The following CFAP299 variants were observed in gnomAD, a reference collection of about 807,000 sequenced individuals.
CFAP299 encodes cilia- and flagella-associated protein 299.
Under a neutral mutation model 27.0 loss-of-function variants are expected in CFAP299, and 21 were observed. The observed-to-expected ratio is 0.78, with a 90% CI of 0.55 to 1.12. The LOEUF (loss-of-function observed/expected upper bound fraction) is 1.12, where lower values mean the gene tolerates loss of function less well. Ranked by LOEUF, CFAP299 falls within the 50% of genes most tolerant of loss-of-function variation. CFAP299 has a pLI of 0.00. For missense variants in CFAP299, 310 were observed against 276.6 expected, an observed-to-expected ratio of 1.12 and a Z score of -0.86; for synonymous variants, 104 against 98.1, an observed-to-expected ratio of 1.06 and a Z score of -0.36.
chr4:80,898,790 G>T (rs972818911), intron 4 of CFAP299, among the ~76,000 whole-genome samples: 1 of 152,248 alleles, frequency 6.6e-6, no homozygotes, highest in South Asian at 2.1e-4. Context: ...TGATAGTGAT[G>T]AGTAAATTAA....
At chr4:80,575,409 T>C (rs1056953562) in intron 2 of CFAP299, among the ~76,000 whole-genome samples, 17 of 151,974 alleles carry the variant, frequency 1.1e-4, no homozygotes. Flanking sequence ...CACTGCAGCC[T>C]TGACTTCCCA....
intron 2 of CFAP299, among the ~76,000 whole-genome samples, chr4:80,573,254 G>C (rs536009785): frequency 2.6e-5 from 4 of 151,920 alleles, no homozygotes; most frequent in African/African-American, 9.7e-5. Flanking sequence ...ATGCCTATTT[G>C]TCATTTGTAT....
chr4:80,541,941 C>A lies in CFAP299; in HGVS notation c.243-41152C>A, dbSNP rs142510255. Among the ~76,000 whole-genome samples, 257 of 151,648 alleles carry A rather than the reference C, an allele frequency of 1.7e-3. 3 individuals carry two copies. The East Asian group carries it at 0.037, about 22-fold the overall frequency. On this transcript the variant is annotated intron_variant, in intron 2 of 5. Coordinates refer to ENST00000358105, the MANE Select transcript of CFAP299 (RefSeq NM_152770.3). ...AAGGTATCAAGGACATTAGGTATAT[C>A]TCCCAATGCTAAAACTTAAAGTATA...
intron 2 of CFAP299, among the ~76,000 whole-genome samples, chr4:80,442,918 A>G (rs1449764846): frequency 3.3e-5 from 5 of 152,238 alleles, no homozygotes; most frequent in African/African-American, 1.2e-4. Context: ...CCTCTAAACA[A>G]GTAAACTAGA....
intron 2 of CFAP299, among the ~76,000 whole-genome samples, chr4:80,439,307 C>G (rs1041518687): frequency 6.6e-6 from 1 of 152,162 alleles, no homozygotes; most frequent in East Asian, 1.9e-4. Context: ...GGGAGACCAA[C>G]GCAGAAGGCA....
chr4:80,836,966 T>G (rs1410130341), intron 3 of CFAP299, among the ~76,000 whole-genome samples: 1 of 152,094 alleles, frequency 6.6e-6, no homozygotes, highest in African/African-American at 2.4e-5. Flanking sequence ...TAAATATAAT[T>G]CTAGGCTTTT....
Position 80,902,385 on chromosome 4 carries a change from A to G in CFAP299, c.476+32250A>G, listed in dbSNP as rs534024749. On this transcript the variant is annotated intron_variant, in intron 4 of 5. Coordinates refer to ENST00000358105, the MANE Select transcript of CFAP299 (RefSeq NM_152770.3). ...ATAAAATATAGATTATATATTTTAT[A>G]AATATATGAAATATACTTTATATAA... Among the ~76,000 whole-genome samples, 588 of 137,106 alleles carry G rather than the reference A, an allele frequency of 4.3e-3. 2 individuals are homozygous for G. The highest frequency in any genetic ancestry group is 0.015 in the Middle Eastern group (4 of 272). 89.9% of individuals were successfully genotyped at this position (137,106 alleles called of 152,430 possible).
chr4:80,907,700 T>G (rs1275500174), intron 4 of CFAP299, among the ~76,000 whole-genome samples: 1 of 152,202 alleles, frequency 6.6e-6, no homozygotes, highest in Non-Finnish European at 1.5e-5. Flanking sequence ...GAACAGCATG[T>G]GGGTAACTGC....
intron 3 of CFAP299, among the ~76,000 whole-genome samples, chr4:80,755,575 C>T (rs747721019): frequency 1.1e-4 from 16 of 151,942 alleles, no homozygotes; most frequent in Non-Finnish European, 1.5e-4. Flanking sequence ...TAAAAGTGAC[C>T]GTTGAACTTG....
chr4:80,473,634 G>A (rs980097098), intron 2 of CFAP299, among the ~76,000 whole-genome samples: 1 of 151,938 alleles, frequency 6.6e-6, no homozygotes, highest in African/African-American at 2.4e-5. Flanking sequence ...ACAGTGGTGC[G>A]ATCACAGCTC....
chr4:80,641,294 T>G (rs1170687433), intron 3 of CFAP299, among the ~76,000 whole-genome samples: 2 of 152,098 alleles, frequency 1.3e-5, no homozygotes, highest in Non-Finnish European at 1.5e-5. Flanking sequence ...AACCTCTGAC[T>G]CCCGGGTTCA....
At chr4:80,325,276 A>ACT in the CFAP299 span, among the ~76,000 whole-genome samples, 4 of 152,374 alleles carry the variant, frequency 2.6e-5, no homozygotes, top group East Asian at 7.7e-4. Flanking sequence ...GAAACACAGT[A>ACT]GGTAGCTGGA....
At chr4:80,928,566 A>G (rs1038675412) in intron 4 of CFAP299, among the ~76,000 whole-genome samples, 1 of 152,144 alleles carries the variant, frequency 6.6e-6, no homozygotes, top group Non-Finnish European at 1.5e-5. Flanking sequence ...AAAGTGAGGG[A>G]TGAGGTTGCA....
chr4:80,472,081 A>G (rs1312624606), intron 2 of CFAP299, among the ~76,000 whole-genome samples: 2 of 152,202 alleles, frequency 1.3e-5, no homozygotes, highest in Non-Finnish European at 2.9e-5. Context: ...TCAATCCTAA[A>G]CTAGAATTGA....
intron 2 of CFAP299, among the ~76,000 whole-genome samples, chr4:80,461,754 T>A (rs6534958): frequency 0.093 from 14,212 of 152,184 alleles, 1,668 homozygotes; most frequent in African/African-American, 0.27. Flanking sequence ...TCAGGGATCA[T>A]CCTGTATTTC....
At chr4:80,468,827 C>T (rs866911633) in intron 2 of CFAP299, among the ~76,000 whole-genome samples, 11 of 119,142 alleles carry the variant, frequency 9.2e-5, no homozygotes, top group Middle Eastern at 5.1e-3. Flanking sequence ...GAGCGAGACT[C>T]TGTCTCAAAA....
chr4:80,506,591 G>A (rs2132269), intron 2 of CFAP299, among the ~76,000 whole-genome samples: 52,914 of 152,016 alleles, frequency 0.35, 11,097 homozygotes, highest in African/African-American at 0.59. Flanking sequence ...TTGTCCATAT[G>A]TTGACTGATA....
At chr4:80,364,594 T>G (rs1327050715) in intron 2 of CFAP299, among the ~76,000 whole-genome samples, 1 of 152,214 alleles carries the variant, frequency 6.6e-6, no homozygotes, top group Non-Finnish European at 1.5e-5. Flanking sequence ...TTGTTTGTTA[T>G]TTCTTCAACT....
intron 3 of CFAP299, among the ~76,000 whole-genome samples, chr4:80,593,913 T>C (rs182562673): frequency 4.6e-5 from 7 of 151,758 alleles, no homozygotes; most frequent in African/African-American, 1.7e-4. Flanking sequence ...AGTCCAAATT[T>C]TCTAATCTCC....
Sources: allele counts gnomAD v4.1 joint callset (sites outside exome capture counted in the v4.1 genomes callset), GRCh38; gene constraint gnomAD v4.1.1; transcripts MANE v1.5; gene names NCBI Gene and HGNC (gene_info 2026-07-23, HGNC 2026-07-21).